The following SLC4A2 variants were observed in gnomAD, a reference collection of about 807,000 sequenced individuals.
SLC4A2 encodes anion exchange protein 2.
In SLC4A2, 36 loss-of-function variants were observed where a neutral mutation model predicts 115.0. That is an observed-to-expected ratio of 0.31 (90% CI 0.24 to 0.41). SLC4A2 has a LOEUF of 0.41. Among genes scored for constraint, SLC4A2 ranks in the 10% least tolerant of loss-of-function variants. The pLI is 1.00. For missense variants in SLC4A2, 1,252 were observed against 1,705.6 expected (o/e 0.73, Z 4.68); for synonymous variants, 708 against 708.3 (o/e 1.00, Z 0.01).
Position 151,074,854 on chromosome 7 carries a change from A to G in SLC4A2, c.3047+13A>G. The G allele has an allele frequency of 6.3e-7, 1 of 1,588,658 alleles. No homozygotes were observed. Among genetic ancestry groups the G allele is most frequent in the Non-Finnish European group, 8.6e-7 (1 of 1,167,228 alleles). On this transcript the variant is annotated intron_variant, in intron 19 of 22. Transcript: ENST00000413384. ...CACAGATCACCACGTGAGTGGTCCT[A>G]GCCAAAGGGGTGTGAGAGGCCAGAG...
chr7:151,063,276 C>T (rs947076420), intron 2 of SLC4A2: 10 of 1,058,632 alleles, frequency 9.4e-6, no homozygotes, highest in Middle Eastern at 3.2e-4. Context: ...GGGGAGCTCT[C>T]CTGGGGGCTG....
At chr7:151,075,921 ATG>A in intron 21 of SLC4A2, 90 bp from the exon 22 acceptor site, 1 of 1,461,132 alleles carries the variant, frequency 6.8e-7, no homozygotes, top group Non-Finnish European at 9.2e-7. Context: ...GCACCTAGGA[ATG>A]TTCTTCCATC....
Position 151,071,770 on chromosome 7 carries a change from G to C in SLC4A2, c.2273G>C (p.Gly758Ala). 6.2e-7 allele frequency: 1 copy of C among 1,612,604 alleles called. No individual in the cohort carries two copies. The change falls in exon 15 of 23, where the codon GGT (glycine) becomes GCT (alanine). Residue 758 changes from glycine to alanine, a missense_variant. Coordinates refer to ENST00000413384, the MANE Select transcript of SLC4A2 (RefSeq NM_003040.4). The surrounding 1 kb of genome is among the most constrained non-coding windows in gnomAD (Gnocchi z 5.5). ...CAGGGCGTGGTCTTCTGCCTGCTGG[G>C]TGCCCAGCCCCTGTTGGTGATCGGC... ...ALQGVVFCLL[G>A]AQPLLVIGFS... is the part of the protein sequence containing the mutation.
At chr7:151,070,107 G>GATGACACTTC (rs1563353792) in intron 9 of SLC4A2, 25 bp downstream of exon 9, 2 of 1,613,962 alleles carry the variant, frequency 1.2e-6, no homozygotes, top group South Asian at 2.2e-5. Flanking sequence ...GCCAGTTGGG[G>GATGACACTTC]ATGACACTTC....
chr7:151,075,805 G>T (rs1452889987), intron 21 of SLC4A2, 30 bp downstream of exon 21: 1 of 1,587,828 alleles, frequency 6.3e-7, no homozygotes, highest in African/African-American at 1.3e-5. Flanking sequence ...ACCGGAAGGG[G>T]TGTGCCTCTG....
intron 2 of SLC4A2, chr7:151,062,430 G>GC: frequency 1.0e-6 from 1 of 971,020 alleles, no homozygotes; most frequent in Non-Finnish European, 1.4e-6. Context: ...CACGCCCCCT[G>GC]CCCACGTGCC....
In SLC4A2 at chr7:151,059,802, A is replaced by G. The variant is rs1460222337; in HGVS notation, c.-64+40A>G. On this transcript the variant is annotated intron_variant, in intron 1 of 22. Coordinates refer to ENST00000413384, the MANE Select transcript of SLC4A2 (RefSeq NM_003040.4). The surrounding 1 kb of genome is among the most constrained non-coding windows in gnomAD (Gnocchi z 5.8). ...GGTGGCGGGGGACGGCCAGGGCCGC[A>G]GAGGGAGGAAGGGAGGGGGAAGGAG... 4 of 125,282 alleles carry G rather than the reference A, an allele frequency of 3.2e-5. No individual in the cohort carries two copies. Among genetic ancestry groups the G allele is most frequent in the African/African-American group, 1.2e-4 (4 of 32,754 alleles). The allele number at this position is 125,282 out of a possible 1,614,324, so 7.8% of individuals were successfully genotyped here.
Position 151,066,949 on chromosome 7 carries a change from C to T in SLC4A2, c.922C>T (p.Pro308Ser), listed in dbSNP as rs762747508. The change falls in exon 7 of 23, where the codon CCC becomes TCC. Residue 308 changes from proline (P) to serine (S), a missense_variant. This residue lies in a region of SLC4A2 where 48 missense variants were observed against 44.4 expected (regional missense o/e 1.08). Transcript: ENST00000413384. ...QSGREGREPG[P>S]TPRARPRAPH... Reference sequence around the variant, plus strand: ...TGGCCGAGAAGGGCGGGAGCCTGGCCCCACACCTCGGGCCCGACCCCGGGC... The same window carrying T: ...TGGCCGAGAAGGGCGGGAGCCTGGCTCCACACCTCGGGCCCGACCCCGGGC... The T allele has an allele frequency of 9.9e-6, 16 of 1,612,862 alleles. 1 individual carries two copies. In the South Asian group the frequency reaches 1.4e-4, roughly 14 times the overall value.
At chr7:151,069,674 C>T (rs1156382641) in intron 8 of SLC4A2, among the ~76,000 whole-genome samples, 4 of 151,966 alleles carry the variant, frequency 2.6e-5, no homozygotes, top group Non-Finnish European at 5.9e-5. Context: ...GTCTGACAGG[C>T]GTGGCCTAGA....
At chr7:151,069,801 G>A in intron 8 of SLC4A2, 146 bp from the exon 9 acceptor site, 1 of 898,944 alleles carries the variant, frequency 1.1e-6, no homozygotes, top group Non-Finnish European at 1.7e-6. Flanking sequence ...GTGGGAGCCA[G>A]AACTCGAGCC....
chr7:151,066,950 C>T lies in SLC4A2; in HGVS notation c.923C>T (p.Pro308Leu), dbSNP rs764123644. 1 of 1,612,826 alleles carries T rather than the reference C, an allele frequency of 6.2e-7. No individual in the cohort carries two copies. The highest frequency in any genetic ancestry group is 8.5e-7 in the Non-Finnish European group (1 of 1,179,706). ...QSGREGREPG[P>L]TPRARPRAPH... Reference sequence around the variant, plus strand: ...GGCCGAGAAGGGCGGGAGCCTGGCCCCACACCTCGGGCCCGACCCCGGGCC... The same window carrying T: ...GGCCGAGAAGGGCGGGAGCCTGGCCTCACACCTCGGGCCCGACCCCGGGCC... The change falls in exon 7 of 23, where the codon CCC becomes CTC. Residue 308 changes from proline to leucine, a missense_variant. By Grantham distance (98) the Pro-to-Leu change is moderately conservative. Around this residue, in one of 14 missense-constraint regions of SLC4A2, gnomAD observed 48 missense variants for 44.4 expected, o/e 1.08. Coordinates refer to ENST00000413384, the MANE Select transcript of SLC4A2 (RefSeq NM_003040.4).
intron 16 of SLC4A2, among the ~76,000 whole-genome samples, chr7:151,072,853 G>A (rs1797487345): frequency 6.6e-6 from 1 of 151,548 alleles, no homozygotes; most frequent in Admixed American, 6.6e-5. Context: ...AGTAGAGATG[G>A]GGGTTTTACC....
Position 151,070,484 on chromosome 7 carries a change from G to T in SLC4A2, c.1477G>T (p.Ala493Ser). ...ERELPPPAPPAGITRSKSKHE... is the reference protein window; with the variant it reads ...ERELPPPAPPSGITRSKSKHE... ...TGAGCTGCCGCCTCCAGCACCACCA[G>T]CTGGCATCACCCGCTCCAAGTCCAA... The change falls in exon 11 of 23, where the codon GCT becomes TCT. Residue 493 changes from alanine to serine, a missense_variant. Physicochemically the swap from Ala to Ser is moderately conservative, Grantham distance 99. This residue lies in a region of SLC4A2 where 142 missense variants were observed against 153.5 expected (regional missense o/e 0.93). Transcript: ENST00000413384. 1 of 1,613,460 alleles carries T rather than the reference G, an allele frequency of 6.2e-7. No homozygotes were observed. Among genetic ancestry groups the T allele is most frequent in the Non-Finnish European group, 8.5e-7 (1 of 1,179,762 alleles).
At chr7:151,072,842 T>C (rs1383022180) in intron 16 of SLC4A2, among the ~76,000 whole-genome samples, 1 of 152,040 alleles carries the variant, frequency 6.6e-6, no homozygotes. Flanking sequence ...TGTATTTTTT[T>C]AGTAGAGATG....
In SLC4A2 at chr7:151,061,917, C is replaced by T; in HGVS notation, c.-63-8C>T. On this transcript the variant is annotated splice_polypyrimidine_tract_variant and splice_region_variant and intron_variant, in intron 1 of 22. Coordinates refer to ENST00000413384, the MANE Select transcript of SLC4A2 (RefSeq NM_003040.4). ...TCTCGATGGTGATCAGGCCTCTCCC[C>T]CATCCAGGTTATGCCTCCGCCTCGT... 1 of 1,415,534 alleles carries T rather than the reference C, an allele frequency of 7.1e-7. No individual in the cohort carries two copies. The highest frequency in any genetic ancestry group is 9.8e-7 in the Non-Finnish European group (1 of 1,018,000). 87.7% of individuals were successfully genotyped at this position (1,415,534 alleles called of 1,614,324 possible). A position where few individuals can be genotyped will look rare whatever the true frequency, so the allele number is the denominator to read the frequency against.
Position 151,070,496 on chromosome 7 carries a change from C to G in SLC4A2, c.1489C>G (p.Arg497Gly). 1 of 1,613,626 alleles carries G rather than the reference C, an allele frequency of 6.2e-7. No homozygotes were observed. Among genetic ancestry groups the G allele is most frequent in the Non-Finnish European group, 8.5e-7 (1 of 1,179,854 alleles). Residue 497 changes from arginine (R) to glycine (G), a missense_variant, in exon 11 of 23, where the codon CGC (arginine) becomes GGC (glycine). Transcript: ENST00000413384. ...TCCAGCACCACCAGCTGGCATCACCCGCTCCAAGTCCAAGCACGAGCTGAA... is the reference window on the plus strand; with the variant it reads ...TCCAGCACCACCAGCTGGCATCACCGGCTCCAAGTCCAAGCACGAGCTGAA... ...PPPAPPAGIT[R>G]SKSKHELKLL...
intron 8 of SLC4A2, among the ~76,000 whole-genome samples, chr7:151,068,856 G>C (rs1057463015): frequency 6.6e-6 from 1 of 151,596 alleles, no homozygotes; most frequent in African/African-American, 2.4e-5. Flanking sequence ...AAACGAAGCA[G>C]CTGCTGGGCG....
At chr7:151,070,985 T>C in intron 12 of SLC4A2, 74 bp downstream of exon 12, 2 of 1,590,330 alleles carry the variant, frequency 1.3e-6, no homozygotes, top group Non-Finnish European at 1.7e-6. Flanking sequence ...CATGACTGCC[T>C]CCCACCCACT....
At chr7:151,068,865 C>G (rs867133272) in intron 8 of SLC4A2, among the ~76,000 whole-genome samples, 1 of 151,356 alleles carries the variant, frequency 6.6e-6, no homozygotes, top group African/African-American at 2.4e-5. Flanking sequence ...AGCTGCTGGG[C>G]GCGGTGGCTC....
Sources: allele counts gnomAD v4.1 joint callset (sites outside exome capture counted in the v4.1 genomes callset), GRCh38; gene constraint gnomAD v4.1.1; regional missense constraint gnomAD v4.1.1; non-coding constraint Gnocchi (gnomAD v3.1); transcripts MANE v1.5; gene names NCBI Gene and HGNC (gene_info 2026-07-23, HGNC 2026-07-21).